The following PBX1 variants were observed in gnomAD, a reference collection of about 807,000 sequenced individuals.
The protein encoded by PBX1 is pre-B-cell leukemia transcription factor 1.
Under a neutral mutation model 53.4 loss-of-function variants are expected in PBX1, and 6 were observed. The observed-to-expected ratio is 0.11, with a 90% confidence interval of 0.06 to 0.22. The LOEUF (loss-of-function observed/expected upper bound fraction) is 0.22, where lower values mean the gene tolerates loss of function less well. Among genes scored for constraint, PBX1 ranks in the 10% least tolerant of loss-of-function variants. PBX1 has a pLI of 1.00. For synonymous variants in PBX1, 204 were observed against 212.3 expected (o/e 0.96, Z 0.34); for missense variants, 251 against 551.4 (o/e 0.46, Z 5.46).
At chr1:164,761,597 A>T (rs1204097744) in intron 2 of PBX1, among the ~76,000 whole-genome samples, 2 of 152,130 alleles carry the variant, frequency 1.3e-5, no homozygotes, top group Admixed American at 6.5e-5. Flanking sequence ...GGTGCGCGCC[A>T]CCATGCCCGG....
At chr1:164,757,627 T>C (rs1666599339) in intron 2 of PBX1, among the ~76,000 whole-genome samples, 1 of 152,236 alleles carries the variant, frequency 6.6e-6, no homozygotes, top group South Asian at 2.1e-4. Flanking sequence ...GTGTTTTCCA[T>C]CTGCAGTCAA....
chr1:164,583,668 G>A (rs1654773023), intron 2 of PBX1, among the ~76,000 whole-genome samples: 1 of 152,136 alleles, frequency 6.6e-6, no homozygotes, highest in African/African-American at 2.4e-5. Flanking sequence ...ACCACAACTG[G>A]TTTTATCCAG....
At chr1:164,716,530 C>T (rs1664095015) in intron 2 of PBX1, among the ~76,000 whole-genome samples, 1 of 152,086 alleles carries the variant, frequency 6.6e-6, no homozygotes, top group East Asian at 1.9e-4. Flanking sequence ...ACCTTTTATT[C>T]TGTACCTGAT....
At chr1:164,755,460 G>C (rs192423643) in intron 2 of PBX1, among the ~76,000 whole-genome samples, 1 of 152,076 alleles carries the variant, frequency 6.6e-6, no homozygotes, top group Non-Finnish European at 1.5e-5. Flanking sequence ...TTTACTTGTG[G>C]TTATTTTTTA....
intron 2 of PBX1, among the ~76,000 whole-genome samples, chr1:164,605,636 A>G (rs893588073): frequency 1.3e-5 from 2 of 152,200 alleles, no homozygotes; most frequent in African/African-American, 4.8e-5. Flanking sequence ...GCCCTCCTGT[A>G]AAAGGCAACT....
chr1:164,687,014 C>G (rs4657369), intron 2 of PBX1, among the ~76,000 whole-genome samples: 34,187 of 151,974 alleles, frequency 0.22, 4,681 homozygotes, highest in Non-Finnish European at 0.31. Context: ...ATGCATTGAC[C>G]TTTCGTAATT....
At chr1:164,655,192 C>A (rs1205457892) in intron 2 of PBX1, among the ~76,000 whole-genome samples, 1 of 151,022 alleles carries the variant, frequency 6.6e-6, no homozygotes, top group Non-Finnish European at 1.5e-5. Context: ...CAGCTCACTG[C>A]AACCTCCACC....
intron 2 of PBX1, among the ~76,000 whole-genome samples, chr1:164,587,950 A>T (rs77572581): frequency 2.0e-5 from 3 of 152,316 alleles, no homozygotes; most frequent in South Asian, 2.1e-4. Flanking sequence ...AGAGAAGAGA[A>T]AGAGCCCTAG....
chr1:164,797,891 A>C (rs1668865242), intron 3 of PBX1, among the ~76,000 whole-genome samples: 1 of 152,226 alleles, frequency 6.6e-6, no homozygotes, highest in South Asian at 2.1e-4. Context: ...TCCCACAGCC[A>C]AGTGAGTTCC....
intron 2 of PBX1, among the ~76,000 whole-genome samples, chr1:164,585,148 A>T (rs1654872285): frequency 6.6e-6 from 1 of 152,154 alleles, no homozygotes; most frequent in South Asian, 2.1e-4. Context: ...TTCTGGGCAC[A>T]CTCCTCACTC....
At chr1:164,714,149 G>A (rs1163549509) in intron 2 of PBX1, among the ~76,000 whole-genome samples, 3 of 152,186 alleles carry the variant, frequency 2.0e-5, no homozygotes, top group African/African-American at 7.2e-5. Flanking sequence ...GCACTGATAA[G>A]CCAAATATAA....
At chr1:164,854,855 C>A (rs1053714815), downstream of PBX1, among the ~76,000 whole-genome samples, 1 of 151,958 alleles carries the variant, frequency 6.6e-6, no homozygotes, top group African/African-American at 2.4e-5. Context: ...TATCCAGGTT[C>A]TCCTGTACCC....
At position 164,651,632 on chromosome 1, in the gene PBX1, A is replaced by C. The variant is rs144693043; in HGVS notation, c.265+88321A>C. 6.1e-4 allele frequency among the ~76,000 whole-genome samples: 93 copies of C among 152,270 alleles called. 1 individual carries two copies. Among genetic ancestry groups the C allele is most frequent in the Admixed American group, 2.5e-3 (39 of 15,296 alleles). On this transcript the variant is annotated intron_variant, in intron 2 of 8. Transcript: ENST00000420696. ...GCAGAGAACACATAAACAACCCTCCAAAAAGAAGAACAGTTGAAGGTGGGG... is the reference window on the plus strand; with the variant it reads ...GCAGAGAACACATAAACAACCCTCCCAAAAGAAGAACAGTTGAAGGTGGGG...
chr1:164,811,291 A>G (rs1669598919), intron 5 of PBX1, among the ~76,000 whole-genome samples: 1 of 152,230 alleles, frequency 6.6e-6, no homozygotes, highest in Non-Finnish European at 1.5e-5. Context: ...AACCACATGA[A>G]GGAAATAAAT....
chr1:164,860,664 T>A (rs183592665), intron 2 of PBX1, among the ~76,000 whole-genome samples: 2 of 152,280 alleles, frequency 1.3e-5, no homozygotes, highest in Non-Finnish European at 2.9e-5. Flanking sequence ...AGAATATGCA[T>A]AGACATTCTA....
rs545234470 is a variant in PBX1 at position 164,599,612 on chromosome 1, G to A, written c.265+36301G>A. On this transcript the variant is annotated intron_variant, in intron 2 of 8. Coordinates refer to ENST00000420696, the MANE Select transcript of PBX1 (RefSeq NM_002585.4). The stretch of plus-strand genomic sequence containing the variant: ...GGGGAGGGGCACAGGCCTGGCATGG[G>A]GATAACTGGGAATGGGGTTTGGACA... Among the ~76,000 whole-genome samples, 11 of 152,228 alleles carry A rather than the reference G, an allele frequency of 7.2e-5. 1 individual carries two copies. The South Asian group carries it at 2.3e-3, about 32-fold the overall frequency.
Position 164,777,515 on chromosome 1 carries a change from T to C in PBX1, c.266-14979T>C, listed in dbSNP as rs898031958. Among the ~76,000 whole-genome samples, 7 of 152,238 alleles carry C rather than the reference T, an allele frequency of 4.6e-5. No homozygotes were observed. The South Asian group carries it at 8.3e-4, about 18-fold the overall frequency. On this transcript the variant is annotated intron_variant, in intron 2 of 8. Transcript: ENST00000420696. ...AGACTCTGACCATAAAGCTAAACTC[T>C]GAGCATTTTCTCACAGGATGTAATC...
chr1:164,605,812 T>G (rs1656508542), intron 2 of PBX1, among the ~76,000 whole-genome samples: 1 of 152,230 alleles, frequency 6.6e-6, no homozygotes, highest in African/African-American at 2.4e-5. Flanking sequence ...TCTATTTGCA[T>G]ACCAATTCCA....
intron 2 of PBX1, among the ~76,000 whole-genome samples, chr1:164,689,794 A>G (rs1416260781): frequency 6.6e-6 from 1 of 151,180 alleles, no homozygotes; most frequent in South Asian, 2.1e-4. Flanking sequence ...TCATTCTTTC[A>G]TTTCTTTCTC....
Sources: gnomAD v4.1 joint callset for allele counts (sites outside exome capture counted in the v4.1 genomes callset) on GRCh38, gnomAD v4.1.1 for gene constraint, MANE v1.5 for transcripts, NCBI Gene and HGNC (gene_info 2026-07-23, HGNC 2026-07-21) for gene names.